Variants in ARHGAP29 observed in about 807,000 individuals in gnomAD.
The protein encoded by ARHGAP29 is rho GTPase-activating protein 29.
A neutral mutation model predicts 122.6 loss-of-function variants in ARHGAP29; 43 were observed. The observed-to-expected ratio is 0.35, with a 90% CI of 0.27 to 0.45. ARHGAP29 has a LOEUF of 0.45. Among genes scored for constraint, ARHGAP29 ranks in the 20% least tolerant of loss-of-function variants. The pLI is 1.00. For synonymous variants in ARHGAP29, 506 were observed against 497.1 expected (o/e 1.02, Z -0.24); for missense variants, 1,303 against 1,477.2 (o/e 0.88, Z 1.93).
chr1:94,305,714 T>C, the ARHGAP29 span, among the ~76,000 whole-genome samples: 1 of 152,070 alleles, frequency 6.6e-6, no homozygotes, highest in Admixed American at 6.6e-5. Context: ...GGATTTATGA[T>C]TGAATGGAGA....
At chr1:94,277,411 C>A (rs722296), upstream of ARHGAP29, among the ~76,000 whole-genome samples, 18 of 152,086 alleles carry the variant, frequency 1.2e-4, no homozygotes, top group East Asian at 3.5e-3. Flanking sequence ...CAGTTCAGAC[C>A]TTATTTTCCC....
At chr1:94,196,256 C>CTTTTTTTTTTTTTTTTTTTTTTT (rs917635883) in intron 12 of ARHGAP29, among the ~76,000 whole-genome samples, 1 of 91,150 alleles carries the variant, frequency 1.1e-5, no homozygotes. Flanking sequence ...CCGTGTTTTT[C>CTTTTTTTTTTTTTTTTTTTTTTT]TTTTTTTTTT....
At chr1:94,288,553 T>C in the ARHGAP29 span, among the ~76,000 whole-genome samples, 1 of 152,250 alleles carries the variant, frequency 6.6e-6, no homozygotes, top group Non-Finnish European at 1.5e-5. Context: ...TTTGGTGTTT[T>C]AGTCATGAAG....
At chr1:94,205,739 T>G (rs1651149892) in intron 5 of ARHGAP29, 56 bp from the exon 6 acceptor site, 2 of 1,551,614 alleles carry the variant, frequency 1.3e-6, no homozygotes, top group African/African-American at 2.8e-5. Flanking sequence ...AATCTTTGCT[T>G]CAGAATTTTT....
At chr1:94,292,075 A>G in the ARHGAP29 span, among the ~76,000 whole-genome samples, 19 of 152,296 alleles carry the variant, frequency 1.2e-4, no homozygotes, top group African/African-American at 4.3e-4. Context: ...TCTCCCTGTC[A>G]CTTTCAGATA....
the ARHGAP29 span, among the ~76,000 whole-genome samples, chr1:94,284,895 G>T: frequency 6.6e-6 from 1 of 152,182 alleles, no homozygotes; most frequent in Admixed American, 6.6e-5. Context: ...GGAATGTATG[G>T]TGGTTGCCCA....
chr1:94,205,306 TA>T, intron 6 of ARHGAP29, 108 bp from the exon 7 acceptor site: 77 of 928,160 alleles, frequency 8.3e-5, no homozygotes, highest in Non-Finnish European at 1.0e-4. Flanking sequence ...AACTGGTTTT[TA>T]AAAAAAATAC....
At chr1:94,300,150 C>A in the ARHGAP29 span, among the ~76,000 whole-genome samples, 1 of 152,194 alleles carries the variant, frequency 6.6e-6, no homozygotes, top group Non-Finnish European at 1.5e-5. Context: ...GGGCTGGAGG[C>A]TGTCTTGCTT....
At chr1:94,177,494 A>T in intron 22 of ARHGAP29, 118 bp downstream of exon 22, 1 of 655,662 alleles carries the variant, frequency 1.5e-6, no homozygotes, top group Non-Finnish European at 2.4e-6. Context: ...AAGATTTGTT[A>T]ACTAATAAAG....
intron 1 of ARHGAP29, among the ~76,000 whole-genome samples, chr1:94,274,226 A>C (rs531911210): frequency 6.6e-6 from 1 of 152,174 alleles, no homozygotes; most frequent in Admixed American, 6.5e-5. Context: ...CTTCATTGCA[A>C]CTACCAACTC....
rs781767999 is a variant in ARHGAP29 at position 94,203,008 on chromosome 1, G to T, written c.874-10C>A. The T allele has an allele frequency of 1.2e-6, 2 of 1,603,336 alleles. No individual in the cohort carries two copies. The highest frequency in any genetic ancestry group is 1.7e-6 in the Non-Finnish European group (2 of 1,177,090). On this transcript the variant is annotated splice_polypyrimidine_tract_variant and intron_variant, in intron 9 of 22. Coordinates refer to ENST00000260526, the MANE Select transcript of ARHGAP29 (RefSeq NM_004815.4). ...TCCTTCCAAGTAGAGGCTGTGAAAGGTATTTAAAATGGAAAAAGAGAAAAG... is the reference window on the plus strand; with the variant it reads ...TCCTTCCAAGTAGAGGCTGTGAAAGTTATTTAAAATGGAAAAAGAGAAAAG...
chr1:94,177,990 G>A lies in ARHGAP29; in HGVS notation c.2658C>T (p.Phe886=), dbSNP rs139806754. The change falls in exon 21 of 23, where the codon TTC becomes TTT. Residue 886 remains phenylalanine (F), a synonymous_variant. Transcript: ENST00000260526. ...EFLITYSQKI[F]DGSLQPQDVM... ...CATCTTGTGGTTGTAGGGACCCATC[G>A]AAGATCTTCTGTGAGTAAGTAATGA... 7.9e-5 allele frequency: 128 copies of A among 1,614,114 alleles called. No homozygotes were observed. Among genetic ancestry groups the A allele is most frequent in the Middle Eastern group, 6.6e-4 (4 of 6,062 alleles).
chr1:94,179,121 C>A (rs1031522061), intron 20 of ARHGAP29, among the ~76,000 whole-genome samples: 1 of 152,180 alleles, frequency 6.6e-6, no homozygotes, highest in Non-Finnish European at 1.5e-5. Flanking sequence ...ATGGCTGAAA[C>A]CCTATGTTTT....
Position 94,250,210 on chromosome 1 carries a change from C to G in ARHGAP29, c.-32-18567G>C, listed in dbSNP as rs61784301. On this transcript the variant is annotated intron_variant and NMD_transcript_variant, in intron 1 of 25. Transcript: ENST00000552844. ...CAGGGGAGCAGAGTGGACAGGTGCT[C>G]TTCCCCTCTGCCACACTTCAACAGC... 2.0e-5 allele frequency among the ~76,000 whole-genome samples: 3 copies of G among 152,156 alleles called. No homozygotes were observed. In the East Asian group the frequency reaches 5.8e-4, roughly 29 times the overall value.
intron 2 of ARHGAP29, among the ~76,000 whole-genome samples, chr1:94,224,548 T>C (rs896011397): frequency 6.6e-6 from 1 of 152,174 alleles, no homozygotes; most frequent in Non-Finnish European, 1.5e-5. Context: ...CAGAAATCCA[T>C]ATATTTCTAA....
At chr1:94,297,103 T>C in the ARHGAP29 span, among the ~76,000 whole-genome samples, 1 of 151,928 alleles carries the variant, frequency 6.6e-6, no homozygotes, top group Non-Finnish European at 1.5e-5. Flanking sequence ...GTCTTTCCAG[T>C]GTCAAAGGGG....
At chr1:94,207,359 G>T (rs1206762504) in intron 5 of ARHGAP29, among the ~76,000 whole-genome samples, 2 of 151,694 alleles carry the variant, frequency 1.3e-5, no homozygotes, top group African/African-American at 4.8e-5. Flanking sequence ...TTTATTATTA[G>T]GATTATATAT....
intron 3 of ARHGAP29, among the ~76,000 whole-genome samples, chr1:94,211,700 G>A (rs1371734596): frequency 6.6e-6 from 1 of 151,994 alleles, no homozygotes; most frequent in Non-Finnish European, 1.5e-5. Context: ...AAGGATCTCT[G>A]GAAAATCTCC....
intron 2 of ARHGAP29, among the ~76,000 whole-genome samples, chr1:94,222,348 A>G (rs538632024): frequency 6.6e-6 from 1 of 152,352 alleles, no homozygotes; most frequent in East Asian, 1.9e-4. Context: ...ATAACTTGAC[A>G]GTGGAGAAAC....
Sources: gnomAD v4.1 joint callset for allele counts (sites outside exome capture counted in the v4.1 genomes callset) on GRCh38, gnomAD v4.1.1 for gene constraint, MANE v1.5 for transcripts, NCBI Gene and HGNC (gene_info 2026-07-23, HGNC 2026-07-21) for gene names.